DRC8: variants seen among roughly 807,000 people sequenced by gnomAD.
DRC8 encodes the protein dynein regulatory complex protein 8.
chr1:244,997,823 G>A, the DRC8 span, among the ~76,000 whole-genome samples: 1 of 152,098 alleles, frequency 6.6e-6, no homozygotes, highest in Non-Finnish European at 1.5e-5. Context: ...GGGGTTACAG[G>A]TGTGAGCCAC....
chr1:244,980,610 T>C, the DRC8 span, among the ~76,000 whole-genome samples: 3 of 152,192 alleles, frequency 2.0e-5, no homozygotes, highest in African/African-American at 7.2e-5. Flanking sequence ...ATATGAATAT[T>C]GAGTCAGGTC....
At chr1:244,988,378 A>C in the DRC8 span, among the ~76,000 whole-genome samples, 1 of 152,116 alleles carries the variant, frequency 6.6e-6, no homozygotes, top group Non-Finnish European at 1.5e-5. Flanking sequence ...TAATTTAGTT[A>C]TATTTATTTT....
the DRC8 span, among the ~76,000 whole-genome samples, chr1:245,078,460 TAC>T: frequency 5.0e-4 from 17 of 33,968 alleles, no homozygotes; most frequent in African/African-American, 1.2e-3. Flanking sequence ...ATAGTATATG[TAC>T]ACACACACAC....
the DRC8 span, among the ~76,000 whole-genome samples, chr1:245,014,448 TTTG>T: frequency 6.6e-6 from 1 of 152,196 alleles, no homozygotes; most frequent in East Asian, 1.9e-4. Context: ...GTAATATTTA[TTTG>T]TTGTTAAATT....
At chr1:244,998,580 C>CAA in the DRC8 span, among the ~76,000 whole-genome samples, 1 of 152,100 alleles carries the variant, frequency 6.6e-6, no homozygotes, top group Non-Finnish European at 1.5e-5. Context: ...CCCCAATTGG[C>CAA]TTATCAGTCA....
the DRC8 span, among the ~76,000 whole-genome samples, chr1:245,056,503 C>T: frequency 1.3e-5 from 2 of 152,238 alleles, no homozygotes; most frequent in South Asian, 4.1e-4. Context: ...TTCTCCTTAT[C>T]TGCTCTCTTC....
chr1:245,004,164 C>T, the DRC8 span, among the ~76,000 whole-genome samples: 9 of 152,086 alleles, frequency 5.9e-5, no homozygotes, highest in African/African-American at 2.2e-4. Context: ...ATCCTCCTGC[C>T]TTAGCCTCTG....
chr1:244,983,024 C>T, the DRC8 span, among the ~76,000 whole-genome samples: 1 of 151,786 alleles, frequency 6.6e-6, no homozygotes, highest in Non-Finnish European at 1.5e-5. Context: ...GAGCTGATAT[C>T]GCGCCATTGC....
At chr1:245,073,668 C>T in the DRC8 span, among the ~76,000 whole-genome samples, 11 of 151,846 alleles carry the variant, frequency 7.2e-5, no homozygotes, top group South Asian at 4.1e-4. Context: ...TAAAAAAAGA[C>T]GCTAGAATTC....
the DRC8 span, among the ~76,000 whole-genome samples, chr1:245,051,601 T>A: frequency 6.6e-6 from 1 of 152,000 alleles, no homozygotes; most frequent in South Asian, 2.1e-4. Context: ...ATGGGGTGGA[T>A]GTTGCGAAAT....
chr1:245,037,005 A>G, the DRC8 span, among the ~76,000 whole-genome samples: 3 of 152,244 alleles, frequency 2.0e-5, no homozygotes, highest in African/African-American at 7.2e-5. Flanking sequence ...TCTCACAAAG[A>G]TAGAAACTCT....
the DRC8 span, among the ~76,000 whole-genome samples, chr1:245,105,637 AAC>A: frequency 6.6e-6 from 1 of 150,976 alleles, no homozygotes; most frequent in Admixed American, 6.6e-5. Context: ...AAAAAAAAAA[AAC>A]AAAAAACAAA....
At chr1:245,065,073 CTTTTTT>C in the DRC8 span, among the ~76,000 whole-genome samples, 4 of 81,566 alleles carry the variant, frequency 4.9e-5, no homozygotes, top group Non-Finnish European at 9.6e-5. Context: ...TAACATTCTT[CTTTTTT>C]TTTTTTTTTT....
chr1:245,054,622 G>C, the DRC8 span, among the ~76,000 whole-genome samples: 2 of 151,960 alleles, frequency 1.3e-5, no homozygotes, highest in Non-Finnish European at 2.9e-5. Flanking sequence ...TCTCATGCGG[G>C]TTCCTCTTTC....
the DRC8 span, among the ~76,000 whole-genome samples, chr1:244,984,128 TGG>T: frequency 6.9e-6 from 1 of 145,566 alleles, no homozygotes; most frequent in Non-Finnish European, 1.5e-5. Context: ...CTAATTTTTT[TGG>T]GGGGGGGGAA....
chr1:245,060,597 G>C, the DRC8 span, among the ~76,000 whole-genome samples: 1 of 152,060 alleles, frequency 6.6e-6, no homozygotes, highest in African/African-American at 2.4e-5. Context: ...ATTAAAAAAA[G>C]ATACTGATTA....
At chr1:245,016,085 A>C in the DRC8 span, among the ~76,000 whole-genome samples, 1,376 of 148,428 alleles carry the variant, frequency 9.3e-3, 21 homozygotes, top group African/African-American at 0.032. Context: ...AGGTTCAAGC[A>C]ATTCTCCTGC....
At chr1:244,969,958 G>C in the DRC8 span, 1 of 511,214 alleles carries the variant, frequency 2.0e-6, no homozygotes, top group Non-Finnish European at 3.4e-6. Context: ...TCTTCACCTA[G>C]CTCTCCGGCG....
chr1:245,105,629 AAAAAAAAAAC>A, the DRC8 span, among the ~76,000 whole-genome samples: 1 of 150,792 alleles, frequency 6.6e-6, no homozygotes, highest in Admixed American at 6.6e-5. Flanking sequence ...TCTCAAAAAA[AAAAAAAAAAC>A]AAAAAACAAA....
Sources: gnomAD v4.1 joint callset for allele counts (sites outside exome capture counted in the v4.1 genomes callset) on GRCh38, gnomAD v4.1.1 for gene constraint, MANE v1.5 for transcripts, NCBI Gene and HGNC (gene_info 2026-07-23, HGNC 2026-07-21) for gene names.